Variants in BNC2 observed in about 807,000 individuals in gnomAD.
BNC2 encodes basonuclin zinc finger protein 2, also known as zinc finger protein basonuclin-2.
Under a neutral mutation model 76.3 loss-of-function variants are expected in BNC2, and 20 were observed. The observed-to-expected ratio is 0.26, with a 90% confidence interval of 0.18 to 0.38. The LOEUF is 0.38. Ranked by LOEUF, BNC2 falls within the 10% of genes least tolerant of loss-of-function variation. BNC2 has a pLI of 1.00. For missense variants in BNC2, 1,382 were observed against 1,399.8 expected (o/e 0.99, Z 0.20); for synonymous variants, 582 against 514.8 (o/e 1.13, Z -1.77).
intron 3 of BNC2, among the ~76,000 whole-genome samples, chr9:16,629,224 C>A (rs1821090003): frequency 6.6e-6 from 1 of 152,166 alleles, no homozygotes; most frequent in African/African-American, 2.4e-5. Flanking sequence ...TGTAAAGATG[C>A]TTGATTCGGC....
intron 5 of BNC2, among the ~76,000 whole-genome samples, chr9:16,486,927 G>T (rs924076079): frequency 1.3e-5 from 2 of 152,112 alleles, no homozygotes; most frequent in East Asian, 3.9e-4. Context: ...TGTTGCCCAG[G>T]CTGGTCTCTC....
intron 5 of BNC2, among the ~76,000 whole-genome samples, chr9:16,529,175 C>T (rs1022809253): frequency 1.3e-4 from 20 of 152,166 alleles, no homozygotes; most frequent in Non-Finnish European, 2.2e-4. Context: ...TCTTAAAATC[C>T]TTGACTTAAT....
chr9:16,461,495 G>C (rs995302687), intron 5 of BNC2, among the ~76,000 whole-genome samples: 11 of 151,956 alleles, frequency 7.2e-5, no homozygotes, highest in Non-Finnish European at 1.3e-4. Flanking sequence ...AATCCTCTAA[G>C]AGCCTCCTAA....
At chr9:16,461,588 C>G (rs983856771) in intron 5 of BNC2, among the ~76,000 whole-genome samples, 23 of 142,796 alleles carry the variant, frequency 1.6e-4, no homozygotes, top group African/African-American at 5.5e-4. Context: ...TGATCCAGGA[C>G]AACGTGGTGG....
At chr9:16,856,730 C>T (rs892694414) in intron 1 of BNC2, among the ~76,000 whole-genome samples, 3 of 152,146 alleles carry the variant, frequency 2.0e-5, no homozygotes, top group African/African-American at 7.2e-5. Context: ...CTATCAAAAG[C>T]CAATTCAGCC....
At chr9:16,497,632 A>G (rs1388228720) in intron 5 of BNC2, among the ~76,000 whole-genome samples, 4 of 152,200 alleles carry the variant, frequency 2.6e-5, no homozygotes, top group African/African-American at 9.6e-5. Context: ...ACTACAAGGT[A>G]TAAAAATCGC....
At chr9:16,800,052 C>T (rs1817745059) in intron 1 of BNC2, among the ~76,000 whole-genome samples, 1 of 152,020 alleles carries the variant, frequency 6.6e-6, no homozygotes, top group South Asian at 2.1e-4. Context: ...TGGGGAAACC[C>T]CATCTCTACT....
rs570122356 is a variant in BNC2, at chr9:16,632,738, A to T, written c.331-49653T>A. Among the ~76,000 whole-genome samples the T allele has an allele frequency of 2.5e-3, 386 of 152,304 alleles. 2 individuals are homozygous for T. The highest frequency in any genetic ancestry group is 8.4e-3 in the African/African-American group (351 of 41,564). On this transcript the variant is annotated intron_variant, in intron 3 of 6. Coordinates refer to ENST00000380672, the MANE Select transcript of BNC2 (RefSeq NM_017637.6). ...GAATGAGACACCCATCCCAAGGTCT[A>T]ATTTAACGCCATCTGGTAATATTCC...
At chr9:16,770,421 G>C (rs1253357763) in intron 1 of BNC2, among the ~76,000 whole-genome samples, 1 of 152,096 alleles carries the variant, frequency 6.6e-6, no homozygotes, top group Non-Finnish European at 1.5e-5. Flanking sequence ...TACTGACATC[G>C]ACATCTCTAA....
At chr9:16,652,621 A>G (rs1025619758) in intron 3 of BNC2, among the ~76,000 whole-genome samples, 1 of 152,158 alleles carries the variant, frequency 6.6e-6, no homozygotes, top group Non-Finnish European at 1.5e-5. Flanking sequence ...TTTAAAGGAG[A>G]GGTTTTTACA....
intron 5 of BNC2, among the ~76,000 whole-genome samples, chr9:16,463,805 C>A (rs1423106305): frequency 6.6e-6 from 1 of 151,706 alleles, no homozygotes; most frequent in Non-Finnish European, 1.5e-5. Context: ...GTCTGTAATC[C>A]CAGCACTTTG....
intron 1 of BNC2, among the ~76,000 whole-genome samples, chr9:16,751,799 G>A (rs1047296606): frequency 6.6e-6 from 1 of 151,986 alleles, no homozygotes; most frequent in African/African-American, 2.4e-5. Context: ...GGAGGCCGAG[G>A]CAGTTTTATC....
chr9:16,776,861 C>T (rs1039334514), intron 1 of BNC2, among the ~76,000 whole-genome samples: 1 of 152,066 alleles, frequency 6.6e-6, no homozygotes, highest in Admixed American at 6.6e-5. Context: ...CGTGGTGGCT[C>T]ACATCTGTAA....
rs138659562 is a variant in BNC2, at chr9:16,496,067, C to T, written c.669+56463G>A. 5.2e-3 allele frequency among the ~76,000 whole-genome samples: 785 copies of T among 152,008 alleles called. 6 individuals are homozygous for T. Among genetic ancestry groups the T allele is most frequent in the Middle Eastern group, 0.02 (6 of 294 alleles). ...GGGATTACAGGTGCCCACCACCATGCCCGGCTAATCTTTGTATTTTTAGTA... is the reference window on the plus strand; with the variant it reads ...GGGATTACAGGTGCCCACCACCATGTCCGGCTAATCTTTGTATTTTTAGTA... On this transcript the variant is annotated intron_variant, in intron 5 of 6. Coordinates refer to ENST00000380672, the MANE Select transcript of BNC2 (RefSeq NM_017637.6).
chr9:16,473,111 T>C (rs755783341), intron 5 of BNC2: 1 of 152,270 alleles, frequency 6.6e-6, no homozygotes, highest in Non-Finnish European at 1.5e-5. Flanking sequence ...TCTTTCCCTA[T>C]TGAGGTGTTC....
intron 5 of BNC2, among the ~76,000 whole-genome samples, chr9:16,458,483 T>C (rs547035618): frequency 3.3e-5 from 5 of 152,340 alleles, no homozygotes; most frequent in Non-Finnish European, 5.9e-5. Flanking sequence ...TGTCTGAAAC[T>C]GGGTTGTCAA....
chr9:16,504,989 CTA>C (rs1822595575), intron 5 of BNC2, among the ~76,000 whole-genome samples: 2 of 152,326 alleles, frequency 1.3e-5, no homozygotes, highest in African/African-American at 4.8e-5. Context: ...AAAGAGAAGA[CTA>C]TGAAGTCAAC....
chr9:16,855,937 A>C (rs1819244877), intron 1 of BNC2, among the ~76,000 whole-genome samples: 1 of 152,154 alleles, frequency 6.6e-6, no homozygotes, highest in South Asian at 2.1e-4. Context: ...TATAGTAAGT[A>C]AACATTTACT....
chr9:16,470,430 G>A (rs545912079), intron 5 of BNC2, among the ~76,000 whole-genome samples: 2 of 152,328 alleles, frequency 1.3e-5, no homozygotes, highest in African/African-American at 4.8e-5. Flanking sequence ...AAGCAGCAAG[G>A]AGCCTAATGT....
Sources: allele counts gnomAD v4.1 joint callset (sites outside exome capture counted in the v4.1 genomes callset), GRCh38; gene constraint gnomAD v4.1.1; transcripts MANE v1.5; gene names NCBI Gene and HGNC (gene_info 2026-07-23, HGNC 2026-07-21).